HECTD4: variants seen among roughly 807,000 people sequenced by gnomAD.
HECTD4 encodes the protein HECT domain E3 ubiquitin protein ligase 4, also known as probable E3 ubiquitin-protein ligase HECTD4.
Under a neutral mutation model 471.5 loss-of-function variants are expected in HECTD4, and 114 were observed. The ratio of observed to expected loss-of-function variants is 0.24; its 90% CI spans 0.21 to 0.28. The LOEUF is 0.28. Among genes scored for constraint, HECTD4 ranks in the 10% least tolerant of loss-of-function variants. The pLI is 1.00. For synonymous variants in HECTD4, 2,012 were observed against 2,256.0 expected (o/e 0.89, Z 3.07); for missense variants, 3,866 against 5,651.5 (o/e 0.68, Z 10.13).
Position 112,274,853 on chromosome 12 carries a change from C to T in HECTD4, c.1795G>A (p.Gly599Arg). The change falls in exon 10 of 76, where the codon GGA becomes AGA. Residue 599 changes from glycine to arginine, a missense_variant. Gly to Arg is a moderately radical substitution (Grantham distance 125, BLOSUM62 -2). Around this residue, in one of 16 missense-constraint regions of HECTD4, gnomAD observed 525 missense variants for 672.6 expected, o/e 0.78. Coordinates refer to ENST00000682272, the MANE Select transcript of HECTD4 (RefSeq NM_001388303.1). ...GTGCAAGTTTATTTCTTACCCAATCCTGGTACGAGAGCACCACGCCCCAGT... is the reference window on the plus strand; with the variant it reads ...GTGCAAGTTTATTTCTTACCCAATCTTGGTACGAGAGCACCACGCCCCAGT... ...SSLGRGALVP[G>R]LGACYDTVNN... 2 of 1,541,228 alleles carry T rather than the reference C, an allele frequency of 1.3e-6. No homozygotes were observed. Among genetic ancestry groups the T allele is most frequent in the Non-Finnish European group, 1.8e-6 (2 of 1,138,760 alleles).
In HECTD4 at chr12:112,194,916, C is replaced by G. The variant is rs368946378; in HGVS notation, c.8718G>C (p.Leu2906=). The change falls in exon 56 of 76, where the codon CTG becomes CTC. Residue 2906 remains leucine, a synonymous_variant. Transcript: ENST00000682272. This position sits in a 1 kb window ranked among gnomAD's most constrained non-coding sequence, Gnocchi z 4.6. ...RDITLEHLQL[L]SNQLLAPPLP... ...GAGGAGGTGCGAGGAGCTGATTGGA[C>G]AGCAGTTGCAGGTGCTCCAGGGTAA... is the stretch of plus-strand genomic sequence containing the variant. 5.0e-5 allele frequency: 80 copies of G among 1,608,552 alleles called. No individual in the cohort carries two copies. The highest frequency in any genetic ancestry group is 1.5e-4 in the South Asian group (13 of 89,648).
intron 40 of HECTD4, among the ~76,000 whole-genome samples, chr12:112,230,438 A>C (rs1056625890): frequency 6.6e-5 from 10 of 152,052 alleles, no homozygotes; most frequent in Non-Finnish European, 4.4e-5. Flanking sequence ...GAAGAGAAAC[A>C]AGGCCTGTCA....
intron 65 of HECTD4, 94 bp from the exon 66 acceptor site, chr12:112,175,953 C>A (rs908091300): frequency 1.4e-6 from 2 of 1,465,946 alleles, no homozygotes; most frequent in Non-Finnish European, 9.3e-7. Context: ...CTCTCCCCTA[C>A]GGCCCAACCC....
chr12:112,266,612 C>T (rs1048111579), intron 14 of HECTD4, among the ~76,000 whole-genome samples: 2 of 152,190 alleles, frequency 1.3e-5, no homozygotes, highest in Non-Finnish European at 2.9e-5. Context: ...TCCTGAGTAG[C>T]TTGGATGACA....
At chr12:112,167,570 G>T in intron 71 of HECTD4, 32 bp from the exon 72 acceptor site, 1 of 1,507,032 alleles carries the variant, frequency 6.6e-7, no homozygotes, top group South Asian at 1.3e-5. Flanking sequence ...AGGTGACCTG[G>T]GCGTGGGCCT....
At chr12:112,356,866 T>C (rs374102058) in intron 1 of HECTD4, among the ~76,000 whole-genome samples, 32 of 152,330 alleles carry the variant, frequency 2.1e-4, no homozygotes, top group African/African-American at 7.2e-4. Flanking sequence ...AAAAGAATTA[T>C]AAAAAGTTCC....
chr12:112,304,239 T>C (rs77838079), intron 7 of HECTD4, among the ~76,000 whole-genome samples: 1 of 89,672 alleles, frequency 1.1e-5, no homozygotes, highest in Non-Finnish European at 2.1e-5. Flanking sequence ...AAAGACCTAA[T>C]TTTTTTTTTT....
chr12:112,165,553 G>A (rs975119948), intron 72 of HECTD4, among the ~76,000 whole-genome samples: 5 of 151,642 alleles, frequency 3.3e-5, no homozygotes, highest in South Asian at 2.1e-4. Flanking sequence ...GGGTTTCACT[G>A]TGTTAGCCAG....
chr12:112,182,751 C>A (rs1476610549), intron 62 of HECTD4, among the ~76,000 whole-genome samples: 2 of 152,264 alleles, frequency 1.3e-5, no homozygotes, highest in Admixed American at 6.5e-5. Flanking sequence ...GTGGCAGGGG[C>A]TGCCCCCACG....
intron 44 of HECTD4, among the ~76,000 whole-genome samples, chr12:112,220,872 C>CG (rs2033073690): frequency 6.6e-6 from 1 of 151,428 alleles, no homozygotes; most frequent in Non-Finnish European, 1.5e-5. Context: ...TCCAGCACTT[C>CG]GGGAGGCTGA....
Position 112,180,554 on chromosome 12 carries a change from C to A in HECTD4, c.10988-1157G>T, listed in dbSNP as rs975955562. Among the ~76,000 whole-genome samples the A allele has an allele frequency of 2.4e-4, 36 of 149,544 alleles. 1 individual carries two copies. The highest frequency in any genetic ancestry group is 7.8e-4 in the East Asian group (4 of 5,104). Reference sequence around the variant, plus strand: ...TTTAAAAAAAAAAAAACAACAACAACAAAAAAAAGGAAACAACCCTCACAT... The same window carrying A: ...TTTAAAAAAAAAAAAACAACAACAAAAAAAAAAAGGAAACAACCCTCACAT... On this transcript the variant is annotated intron_variant, in intron 62 of 75. Transcript: ENST00000682272.
intron 55 of HECTD4, among the ~76,000 whole-genome samples, chr12:112,196,908 G>C (rs1190596394): frequency 6.6e-6 from 1 of 152,088 alleles, no homozygotes; most frequent in Admixed American, 6.6e-5. Flanking sequence ...CGATTCTCCT[G>C]CCTTGGCCTC....
intron 70 of HECTD4, among the ~76,000 whole-genome samples, chr12:112,168,558 C>T (rs1162433770): frequency 6.6e-6 from 1 of 152,188 alleles, no homozygotes; most frequent in East Asian, 1.9e-4. Context: ...GTGCCCACAC[C>T]CTGCTTGGTA....
intron 62 of HECTD4, among the ~76,000 whole-genome samples, chr12:112,181,093 G>A (rs1362210783): frequency 4.0e-5 from 6 of 151,166 alleles, no homozygotes; most frequent in South Asian, 2.1e-4. Flanking sequence ...GCTTGAACCC[G>A]GGAGGTGGAG....
rs922718934 is a variant in HECTD4, at chr12:112,193,311, C to T, written c.8956-120G>A. ...GACTAAATAGCCCTCTGGAAGGAAGCAAGCTACAGATGAGATAAAGCAGAA... is the reference window on the plus strand; with the variant it reads ...GACTAAATAGCCCTCTGGAAGGAAGTAAGCTACAGATGAGATAAAGCAGAA... On this transcript the variant is annotated intron_variant, in intron 57 of 75. Coordinates refer to ENST00000682272, the MANE Select transcript of HECTD4 (RefSeq NM_001388303.1). This position sits in a 1 kb window ranked among gnomAD's most constrained non-coding sequence, Gnocchi z 5.2. 1.4e-6 allele frequency: 2 copies of T among 1,383,766 alleles called. No individual in the cohort carries two copies. The highest frequency in any genetic ancestry group is 2.0e-6 in the Non-Finnish European group (2 of 1,008,850). The allele number at this position is 1,383,766 out of a possible 1,614,324, so 85.7% of individuals were successfully genotyped here.
chr12:112,358,976 C>A (rs1435647905), intron 1 of HECTD4, among the ~76,000 whole-genome samples: 2 of 152,092 alleles, frequency 1.3e-5, no homozygotes, highest in Non-Finnish European at 2.9e-5. Flanking sequence ...GAGATCAAGA[C>A]CATCCTGGCT....
intron 1 of HECTD4, among the ~76,000 whole-genome samples, chr12:112,375,857 T>A (rs187864671): frequency 1.3e-5 from 2 of 151,194 alleles, no homozygotes; most frequent in Admixed American, 1.3e-4. Flanking sequence ...TCACTTGAGG[T>A]CAGCAGTTCA....
intron 54 of HECTD4, 30 bp downstream of exon 54, chr12:112,203,606 G>A: frequency 6.3e-7 from 1 of 1,591,300 alleles, no homozygotes; most frequent in Non-Finnish European, 8.6e-7. Context: ...ATATAAAATA[G>A]CTTATTAATC....
chr12:112,162,777 T>A lies in HECTD4; in HGVS notation c.13121-254A>T. On this transcript the variant is annotated intron_variant, in intron 75 of 75. Coordinates refer to ENST00000682272, the MANE Select transcript of HECTD4 (RefSeq NM_001388303.1). This position sits in a 1 kb window ranked among gnomAD's most constrained non-coding sequence, Gnocchi z 5.2. ...GCCCAGCAAATTGTTTCTTTTTTTT[T>A]TTTTTTAACCATTTTTCTGCATTTA... 1 of 565,602 alleles carries A rather than the reference T, an allele frequency of 1.8e-6. No homozygotes were observed. The allele number at this position is 565,602 out of a possible 1,614,324, so 35.0% of individuals were successfully genotyped here.
Sources: gnomAD v4.1 joint callset for allele counts (sites outside exome capture counted in the v4.1 genomes callset) on GRCh38, gnomAD v4.1.1 for gene constraint, gnomAD v4.1.1 regional missense constraint, Gnocchi (gnomAD v3.1) non-coding constraint, MANE v1.5 for transcripts, NCBI Gene and HGNC (gene_info 2026-07-23, HGNC 2026-07-21) for gene names.